Variants in PTPRS observed in about 807,000 individuals in gnomAD.
PTPRS encodes receptor-type tyrosine-protein phosphatase S.
In PTPRS, 63 loss-of-function variants were observed where a neutral mutation model predicts 215.3. That is an observed-to-expected ratio of 0.29 (90% CI 0.24 to 0.36). The LOEUF (loss-of-function observed/expected upper bound fraction) is 0.36, where lower values mean the gene tolerates loss of function less well. PTPRS is among the 10% of genes least tolerant of loss of function. PTPRS has a pLI of 1.00. For missense variants in PTPRS, 2,258 were observed against 2,825.8 expected, an observed-to-expected ratio of 0.80 and a Z score of 4.56; for synonymous variants, 1,404 against 1,191.4, an observed-to-expected ratio of 1.18 and a Z score of -3.68.
At chr19:5,253,618 A>G (rs2045326308) in intron 9 of PTPRS, among the ~76,000 whole-genome samples, 1 of 152,196 alleles carries the variant, frequency 6.6e-6, no homozygotes, top group Non-Finnish European at 1.5e-5. Context: ...ATGGGGCTGG[A>G]GCCAGGAGAA....
At chr19:5,217,475 G>A (rs1295965859) in intron 25 of PTPRS, among the ~76,000 whole-genome samples, 2 of 152,054 alleles carry the variant, frequency 1.3e-5, no homozygotes, top group Non-Finnish European at 2.9e-5. Flanking sequence ...GCAGCCATCA[G>A]TTAAATACTA....
Position 5,260,924 on chromosome 19 carries a change from C to A in PTPRS, c.578-102G>T, listed in dbSNP as rs1045490555. ...GGCTGGGCCGTAAGCCAGGCCTCAG[C>A]ACTCTGCCCCAGGGAGGGGATCGAG... On this transcript the variant is annotated intron_variant, in intron 6 of 37. Coordinates refer to ENST00000262963, the MANE Select transcript of PTPRS (RefSeq NM_002850.4). The A allele has an allele frequency of 1.3e-4, 168 of 1,336,884 alleles. 1 individual carries two copies. Among genetic ancestry groups the A allele is most frequent in the Non-Finnish European group, 1.7e-4 (164 of 947,646 alleles). 82.8% of individuals were successfully genotyped at this position (1,336,884 alleles called of 1,614,324 possible).
chr19:5,246,099 G>A, intron 9 of PTPRS, 54 bp from the exon 10 acceptor site: 1 of 1,190,612 alleles, frequency 8.4e-7, no homozygotes. Flanking sequence ...GTGAGGTGGG[G>A]TGAGGTTGGG....
chr19:5,280,242 A>G (rs1052694566), intron 2 of PTPRS, among the ~76,000 whole-genome samples: 5 of 152,198 alleles, frequency 3.3e-5, no homozygotes, highest in African/African-American at 1.2e-4. Flanking sequence ...GGCCTTAAGA[A>G]GGCCCGAGGT....
intron 1 of PTPRS, among the ~76,000 whole-genome samples, chr19:5,334,211 A>T (rs561197702): frequency 1.2e-3 from 178 of 152,360 alleles, no homozygotes; most frequent in Non-Finnish European, 2.2e-3. Flanking sequence ...TCATCCTGAC[A>T]TCTCCCTGGT....
At position 5,216,761 on chromosome 19, in the gene PTPRS, C is replaced by T. The variant is rs1403235094; in HGVS notation, c.4055G>A (p.Gly1352Asp). The stretch of plus-strand genomic sequence containing the variant: ...CGGCTCCCTGAGGGGGCTCCTGAGG[C>T]CTGAATCTGCAAACAGCAAACAATA... ...RRINFQTPDS[G>D]LRSPLREPGF... Residue 1352 changes from glycine (G) to aspartate (D), a missense_variant, in exon 26 of 38, where the codon GGC becomes GAC. Physicochemically the swap from Gly to Asp is moderately conservative, Grantham distance 94 (BLOSUM62 -1). This residue lies in a region of PTPRS where 927 missense variants were observed against 1,125.9 expected (regional missense o/e 0.82). Coordinates refer to ENST00000262963, the MANE Select transcript of PTPRS (RefSeq NM_002850.4). 8 of 1,570,138 alleles carry T rather than the reference C, an allele frequency of 5.1e-6. No individual in the cohort carries two copies. Among genetic ancestry groups the T allele is most frequent in the Admixed American group, 3.7e-5 (2 of 54,446 alleles).
chr19:5,317,343 G>A (rs756959637), intron 1 of PTPRS, among the ~76,000 whole-genome samples: 8 of 152,106 alleles, frequency 5.3e-5, no homozygotes, highest in Non-Finnish European at 7.4e-5. Flanking sequence ...GTGGTGGCAC[G>A]CGCCTGTAAT....
chr19:5,261,894 G>T (rs1172203874), intron 6 of PTPRS, among the ~76,000 whole-genome samples: 1 of 152,232 alleles, frequency 6.6e-6, no homozygotes, highest in Non-Finnish European at 1.5e-5. Context: ...GTTACACCCT[G>T]GAGAACTGGA....
intron 1 of PTPRS, among the ~76,000 whole-genome samples, chr19:5,305,912 C>CCTG (rs1280734416): frequency 2.8e-5 from 3 of 107,332 alleles, no homozygotes; most frequent in African/African-American, 1.1e-4. Context: ...TGCACTCCAG[C>CCTG]CTGGGCGACA....
chr19:5,294,999 G>A lies in PTPRS; in HGVS notation c.-94-8765C>T, dbSNP rs768052385. 2.0e-5 allele frequency among the ~76,000 whole-genome samples: 3 copies of A among 152,222 alleles called. No individual in the cohort carries two copies. The highest frequency in any genetic ancestry group is 6.5e-5 in the Admixed American group (1 of 15,282). On this transcript the variant is annotated intron_variant, in intron 1 of 37. Coordinates refer to ENST00000262963, the MANE Select transcript of PTPRS (RefSeq NM_002850.4). This position sits in a 1 kb window ranked among gnomAD's most constrained non-coding sequence, Gnocchi z 5.1. ...CACACAGGAGGTTCCCTGTGTCAATGTAGGCGTAGGAGCAACCAGCGTGAC... is the reference window on the plus strand; with the variant it reads ...CACACAGGAGGTTCCCTGTGTCAATATAGGCGTAGGAGCAACCAGCGTGAC...
At chr19:5,227,475 C>T (rs2042603873) in intron 16 of PTPRS, among the ~76,000 whole-genome samples, 1 of 150,244 alleles carries the variant, frequency 6.7e-6, no homozygotes. Flanking sequence ...AGTGCAATGG[C>T]ATGGTCTCAG....
In PTPRS at chr19:5,305,939, C is replaced by CAAAAAAAAAA. The variant is rs35165317; in HGVS notation, c.-94-19715_-94-19706dup. Among the ~76,000 whole-genome samples, 46 of 22,644 alleles carry CAAAAAAAAAA rather than the reference C, an allele frequency of 2.0e-3. 9 individuals carry two copies. Among genetic ancestry groups the CAAAAAAAAAA allele is most frequent in the African/African-American group, 2.9e-3 (13 of 4,530 alleles). 14.9% of individuals were successfully genotyped at this position (22,644 alleles called of 152,430 possible). On this transcript the variant is annotated intron_variant, in intron 1 of 37. Coordinates refer to ENST00000262963, the MANE Select transcript of PTPRS (RefSeq NM_002850.4). ...TGGGCGACAGAGCAAGACTCCGTCT[C>CAAAAAAAAAA]AAAAAAAAAAAAAAAAAAAAAAAAA...
At chr19:5,310,983 G>T (rs939759887) in intron 1 of PTPRS, among the ~76,000 whole-genome samples, 1 of 151,876 alleles carries the variant, frequency 6.6e-6, no homozygotes, top group Non-Finnish European at 1.5e-5. Context: ...TGGTTCAAGC[G>T]ATTCCCCTGC....
chr19:5,327,224 G>A (rs941496307), intron 1 of PTPRS, among the ~76,000 whole-genome samples: 1 of 152,140 alleles, frequency 6.6e-6, no homozygotes, highest in African/African-American at 2.4e-5. Flanking sequence ...ACTCCCCAGC[G>A]CCCCCAAGCC....
At position 5,243,886 on chromosome 19, in the gene PTPRS, G is replaced by A. The variant is rs779557080; in HGVS notation, c.1570+15C>T. ...CACGGCCGGGGCCCCGAGTCCTGCCGACCCCACGCCTCACCTCCCTGCTGC... is the reference window on the plus strand; with the variant it reads ...CACGGCCGGGGCCCCGAGTCCTGCCAACCCCACGCCTCACCTCCCTGCTGC... On this transcript the variant is annotated intron_variant, in intron 11 of 37. Transcript: ENST00000262963. 39 of 1,464,568 alleles carry A rather than the reference G, an allele frequency of 2.7e-5. No individual in the cohort carries two copies. In the East Asian group the frequency reaches 6.7e-4, roughly 25 times the overall value. 90.7% of individuals were successfully genotyped at this position (1,464,568 alleles called of 1,614,324 possible). A position where few individuals can be genotyped will look rare whatever the true frequency, so the allele number is the denominator to read the frequency against.
chr19:5,222,691 T>C lies in PTPRS; in HGVS notation c.3101A>G (p.Gln1034Arg). The C allele has an allele frequency of 1.9e-6, 3 of 1,582,048 alleles. No individual in the cohort carries two copies. Among genetic ancestry groups the C allele is most frequent in the South Asian group, 2.2e-5 (2 of 89,428 alleles). Residue 1034 changes from glutamine to arginine, a missense_variant and splice_region_variant, in exon 18 of 38, where the codon CAA becomes CGA. Around this residue, in one of 6 missense-constraint regions of PTPRS, gnomAD observed 361 missense variants for 332.6 expected, o/e 1.09. Transcript: ENST00000262963. The stretch of plus-strand genomic sequence containing the variant: ...TGCAGGGGTCGCCGCGCGCCTACCT[T>C]GGTCCCGCAGGAACGTCCGGTAGCG... ...PVRYRTFLRDQVSPKNFKVKM... is the reference protein window; with the variant it reads ...PVRYRTFLRDRVSPKNFKVKM...
At chr19:5,232,177 C>A (rs2043073016) in intron 13 of PTPRS, among the ~76,000 whole-genome samples, 1 of 151,652 alleles carries the variant, frequency 6.6e-6, no homozygotes, top group Admixed American at 6.6e-5. Context: ...CCAAGGGCTT[C>A]ACAAAATAAT....
rs150419970 is a variant in PTPRS at position 5,246,010 on chromosome 19, T to C, written c.754A>G (p.Met252Val). The C allele has an allele frequency of 1.9e-6, 3 of 1,557,720 alleles. No individual in the cohort carries two copies. The highest frequency in any genetic ancestry group is 2.6e-6 in the Non-Finnish European group (3 of 1,150,278). Residue 252 changes from methionine (M) to valine (V), a missense_variant, in exon 10 of 38, where the codon ATG becomes GTG. Met to Val is a conservative substitution (Grantham distance 21, BLOSUM62 1). Coordinates refer to ENST00000262963, the MANE Select transcript of PTPRS (RefSeq NM_002850.4). ...CCCCCTGGCATGATCTCGTGGCTCA[T>C]GGGCAGGATGGAGAAGCGCGGGGCC... is the stretch of plus-strand genomic sequence containing the variant. ...RVAPRFSILPMSHEIMPGGNV... is the reference protein window; with the variant it reads ...RVAPRFSILPVSHEIMPGGNV...
chr19:5,220,576 G>A (rs997822288), intron 20 of PTPRS, among the ~76,000 whole-genome samples: 1 of 152,208 alleles, frequency 6.6e-6, no homozygotes, highest in African/African-American at 2.4e-5. Context: ...TTCATGTAAT[G>A]CTCATTGTTA....
Sources: gnomAD v4.1 joint callset for allele counts (sites outside exome capture counted in the v4.1 genomes callset) on GRCh38, gnomAD v4.1.1 for gene constraint, gnomAD v4.1.1 regional missense constraint, Gnocchi (gnomAD v3.1) non-coding constraint, MANE v1.5 for transcripts, NCBI Gene and HGNC (gene_info 2026-07-23, HGNC 2026-07-21) for gene names.